The following INTS10 variants were observed in gnomAD, a reference collection of about 807,000 sequenced individuals.
INTS10 encodes the protein chromosome 8 open reading frame 35.
INTS10 carries 44 observed loss-of-function variants against 94.4 expected under a neutral mutation model. That is an observed-to-expected ratio of 0.47 (90% confidence interval 0.37 to 0.60). The LOEUF is 0.60. Among genes scored for constraint, INTS10 ranks in the 20% least tolerant of loss-of-function variants. The pLI is 0.00. For missense variants in INTS10, 797 were observed against 868.7 expected (o/e 0.92, Z 1.04); for synonymous variants, 341 against 320.7 (o/e 1.06, Z -0.68).
chr8:19,828,665 C>T (rs2066990188), intron 9 of INTS10, among the ~76,000 whole-genome samples: 1 of 151,636 alleles, frequency 6.6e-6, no homozygotes, highest in Non-Finnish European at 1.5e-5. Flanking sequence ...ATTAGGTTGC[C>T]GTTACTTGGC....
chr8:19,831,548 A>G (rs1025592702), intron 10 of INTS10, among the ~76,000 whole-genome samples: 1 of 152,120 alleles, frequency 6.6e-6, no homozygotes, highest in Admixed American at 6.6e-5. Flanking sequence ...AACTTAGCCA[A>G]GAGTGATGGC....
chr8:19,826,254 G>A (rs1331996346), intron 8 of INTS10, among the ~76,000 whole-genome samples, 172 bp from the exon 9 acceptor site: 1 of 152,020 alleles, frequency 6.6e-6, no homozygotes, highest in Non-Finnish European at 1.5e-5. Flanking sequence ...CTAATGTTTT[G>A]TATTTTTAGT....
chr8:19,817,444 G>GGCGGCGGCGGCGGCGGTGGCT lies in INTS10; in HGVS notation c.-91_-71dup. ...CATGCGCAGTAGCCTCCCCCGCGGT[G>GGCGGCGGCGGCGGCGGTGGCT]GCGGCGGCGGCGGCGGTGGCTGCCG... On this transcript the variant is annotated 5_prime_UTR_variant, in exon 1 of 17. Transcript: ENST00000397977. 1.4e-6 allele frequency: 2 copies of GGCGGCGGCGGCGGCGGTGGCT among 1,391,464 alleles called. No individual in the cohort carries two copies. The highest frequency in any genetic ancestry group is 1.3e-5 in the South Asian group (1 of 74,154). 86.2% of individuals were successfully genotyped at this position (1,391,464 alleles called of 1,614,324 possible).
At position 19,824,728 on chromosome 8, in the gene INTS10, C is replaced by G. The variant is rs537585705; in HGVS notation, c.837-75C>G. 11 of 994,308 alleles carry G rather than the reference C, an allele frequency of 1.1e-5. No individual in the cohort carries two copies. In the South Asian group the frequency reaches 1.5e-4, roughly 13 times the overall value. 61.6% of individuals were successfully genotyped at this position (994,308 alleles called of 1,614,324 possible). A position where few individuals can be genotyped will look rare whatever the true frequency, so the allele number is the denominator to read the frequency against. ...ACATTTGGTACATGTAATGGTACCA[C>G]CAGAGCTTTTCTCTAGACTTCTTGC... On this transcript the variant is annotated intron_variant, in intron 7 of 16. Coordinates refer to ENST00000397977, the MANE Select transcript of INTS10 (RefSeq NM_018142.4).
At chr8:19,837,760 A>G (rs1167574699) in intron 13 of INTS10, among the ~76,000 whole-genome samples, 2 of 152,358 alleles carry the variant, frequency 1.3e-5, no homozygotes, top group Non-Finnish European at 2.9e-5. Flanking sequence ...AATAATGCTA[A>G]GAGCAGAAGT....
In INTS10 at chr8:19,844,354, G is replaced by A. The variant is rs77200233; in HGVS notation, c.1882+116G>A. 8.8e-3 allele frequency: 7,073 copies of A among 807,682 alleles called. 212 individuals carry two copies. The highest frequency in any genetic ancestry group is 0.06 in the South Asian group (2,952 of 48,892). The allele number at this position is 807,682 out of a possible 1,614,324, so 50.0% of individuals were successfully genotyped here. A position where few individuals can be genotyped will look rare whatever the true frequency, so the allele number is the denominator to read the frequency against. On this transcript the variant is annotated intron_variant, in intron 15 of 16. Coordinates refer to ENST00000397977, the MANE Select transcript of INTS10 (RefSeq NM_018142.4). The stretch of plus-strand genomic sequence containing the variant: ...ATAATGATTTTTACTATTTTGCAGC[G>A]AAGAGAAGGAATGGGGATTAAAACT...
rs375410459 is a variant in INTS10 at position 19,817,651 on chromosome 8, A to T, written c.114A>T (p.Ala38=). 14 of 1,607,260 alleles carry T rather than the reference A, an allele frequency of 8.7e-6. No individual in the cohort carries two copies. Among genetic ancestry groups the T allele is most frequent in the Admixed American group, 8.4e-5 (5 of 59,378 alleles). ...TCACGGCCCGCAGCCTCTACCCGGC[A>T]GACTTTAACATCCAGGTGAGGTCCC... ...WLITARSLYP[A]DFNIQYEMYT... Residue 38 remains alanine, a synonymous_variant, in exon 1 of 17, where the codon GCA becomes GCT. Coordinates refer to ENST00000397977, the MANE Select transcript of INTS10 (RefSeq NM_018142.4).
intron 9 of INTS10, among the ~76,000 whole-genome samples, chr8:19,828,683 A>G (rs1446625985): frequency 1.3e-5 from 2 of 150,880 alleles, no homozygotes; most frequent in Non-Finnish European, 2.9e-5. Flanking sequence ...GGCAAAGAAC[A>G]GGCCCCTGAT....
At chr8:19,832,393 G>A (rs562019804) in intron 11 of INTS10, among the ~76,000 whole-genome samples, 4 of 152,226 alleles carry the variant, frequency 2.6e-5, no homozygotes, top group African/African-American at 9.6e-5. Flanking sequence ...GCAGCATAGT[G>A]AGACCCTGTC....
chr8:19,835,188 A>G (rs543366595), intron 12 of INTS10, among the ~76,000 whole-genome samples: 2 of 152,212 alleles, frequency 1.3e-5, no homozygotes, highest in South Asian at 4.1e-4. Flanking sequence ...ATTACCTTGT[A>G]TTTCTATTGT....
In INTS10 at chr8:19,851,835, G is replaced by C; in HGVS notation, c.*30G>C. On this transcript the variant is annotated 3_prime_UTR_variant, in exon 17 of 17. Transcript: ENST00000397977. The surrounding 1 kb of genome is among the most constrained non-coding windows in gnomAD (Gnocchi z 5.0). ...AGACCTTTCCACCAGACACAGCTCG[G>C]GCCTGTGTAATTGTAGGAGAAGACA... The C allele has an allele frequency of 1.2e-6, 2 of 1,606,312 alleles. No individual in the cohort carries two copies. Among genetic ancestry groups the C allele is most frequent in the Non-Finnish European group, 1.7e-6 (2 of 1,173,350 alleles).
At chr8:19,820,242 T>A (rs1265022239) in intron 3 of INTS10, 137 bp from the exon 4 acceptor site, 1 of 702,090 alleles carries the variant, frequency 1.4e-6, no homozygotes, top group Non-Finnish European at 2.2e-6. Context: ...GGCTGCCAGG[T>A]TGTAGGTGAA....
intron 1 of INTS10, 136 bp downstream of exon 1, chr8:19,817,802 C>A (rs979823718): frequency 1.8e-6 from 2 of 1,121,776 alleles, no homozygotes; most frequent in Non-Finnish European, 2.5e-6. Flanking sequence ...CCCCTCCCAC[C>A]CCCTCCTCTC....
chr8:19,828,480 CAG>C (rs1354769809), intron 9 of INTS10, among the ~76,000 whole-genome samples: 1 of 152,216 alleles, frequency 6.6e-6, no homozygotes, highest in East Asian at 1.9e-4. Flanking sequence ...CTCAGTGCTT[CAG>C]AGTGTACTTG....
intron 13 of INTS10, among the ~76,000 whole-genome samples, chr8:19,838,565 A>G (rs2067858086): frequency 6.6e-6 from 1 of 152,222 alleles, no homozygotes; most frequent in African/African-American, 2.4e-5. Context: ...AAATAGAGGA[A>G]GAGTCCCAAT....
At chr8:19,818,121 A>G (rs567905066) in intron 1 of INTS10, 154 bp from the exon 2 acceptor site, 55 of 741,322 alleles carry the variant, frequency 7.4e-5, no homozygotes, top group Admixed American at 6.5e-4. Flanking sequence ...TCTAAGCCCA[A>G]TGGCAAGTCT....
At chr8:19,842,338 A>G (rs908391215) in intron 13 of INTS10, among the ~76,000 whole-genome samples, 5 of 152,348 alleles carry the variant, frequency 3.3e-5, no homozygotes, top group Non-Finnish European at 7.3e-5. Context: ...CACCATTTAT[A>G]TAGTAGACTG....
intron 8 of INTS10, among the ~76,000 whole-genome samples, chr8:19,825,923 G>A (rs1003709559): frequency 6.6e-6 from 1 of 151,906 alleles, no homozygotes; most frequent in African/African-American, 2.4e-5. Flanking sequence ...TTAACAATTT[G>A]GTATATATCT....
At position 19,851,823 on chromosome 8, in the gene INTS10, A is replaced by G. The variant is rs770174808; in HGVS notation, c.*18A>G. 4.3e-5 allele frequency: 70 copies of G among 1,611,768 alleles called. No homozygotes were observed. The highest frequency in any genetic ancestry group is 1.7e-5 in the Admixed American group (1 of 59,974). Reference sequence around the variant, plus strand: ...TGACCTGAGTGGAGACCTTTCCACCAGACACAGCTCGGGCCTGTGTAATTG... The same window carrying G: ...TGACCTGAGTGGAGACCTTTCCACCGGACACAGCTCGGGCCTGTGTAATTG... On this transcript the variant is annotated 3_prime_UTR_variant, in exon 17 of 17. Transcript: ENST00000397977. This position sits in a 1 kb window ranked among gnomAD's most constrained non-coding sequence, Gnocchi z 5.0.
Sources: gnomAD v4.1 joint callset for allele counts (sites outside exome capture counted in the v4.1 genomes callset) on GRCh38, gnomAD v4.1.1 for gene constraint, Gnocchi (gnomAD v3.1) non-coding constraint, MANE v1.5 for transcripts, NCBI Gene and HGNC (gene_info 2026-07-23, HGNC 2026-07-21) for gene names.